Variants in PCDH9 observed in about 807,000 individuals in gnomAD.
The protein encoded by PCDH9 is protocadherin-9.
A neutral mutation model predicts 70.6 loss-of-function variants in PCDH9; 24 were observed. The observed-to-expected ratio is 0.34, with a 90% CI of 0.25 to 0.48. The LOEUF (loss-of-function observed/expected upper bound fraction) is 0.48, where lower values mean the gene tolerates loss of function less well. PCDH9 is among the 20% of genes least tolerant of loss of function. PCDH9 has a pLI of 0.99. For synonymous variants in PCDH9, 562 were observed against 558.5 expected (o/e 1.01, Z -0.09); for missense variants, 1,281 against 1,503.6 (o/e 0.85, Z 2.45).
chr13:66,804,318 CCA>C (rs1197585318), intron 3 of PCDH9, among the ~76,000 whole-genome samples: 2 of 152,116 alleles, frequency 1.3e-5, no homozygotes, highest in Non-Finnish European at 2.9e-5. Context: ...GAGTGTATTT[CCA>C]CAGTCACACA....
chr13:66,635,841 T>A (rs2077630238), intron 3 of PCDH9, among the ~76,000 whole-genome samples: 1 of 152,174 alleles, frequency 6.6e-6, no homozygotes, highest in African/African-American at 2.4e-5. Flanking sequence ...TAAATGTCAT[T>A]GTTTTCTGCA....
At chr13:67,064,660 G>T (rs757749602) in intron 2 of PCDH9, among the ~76,000 whole-genome samples, 13 of 152,068 alleles carry the variant, frequency 8.5e-5, no homozygotes, top group Admixed American at 8.5e-4. Context: ...AGCCTACTGA[G>T]ACTCCAGTCT....
intron 3 of PCDH9, among the ~76,000 whole-genome samples, chr13:66,896,162 A>C (rs1456093214): frequency 6.6e-6 from 1 of 152,346 alleles, no homozygotes; most frequent in South Asian, 2.1e-4. Context: ...AAAAAGTTAA[A>C]GAAGGTGATG....
At position 67,226,582 on chromosome 13, in the gene PCDH9, A is replaced by C. The variant is rs1211851890; in HGVS notation, c.1859T>G (p.Leu620Trp). 6.2e-7 allele frequency: 1 copy of C among 1,613,878 alleles called. No individual in the cohort carries two copies. Among genetic ancestry groups the C allele is most frequent in the East Asian group, 2.2e-5 (1 of 44,894 alleles). The part of the protein sequence containing the change: ...SILNDNDNFV[L>W]DPYSGVIKSN... ...CTTTATGACTCCAGAATAGGGATCC[A>C]ACACAAAATTATCATTGTCATTTAG... is the stretch of plus-strand genomic sequence containing the variant. Residue 620 changes from leucine to tryptophan, a missense_variant, in exon 2 of 5, where the codon TTG becomes TGG. Leu to Trp is a moderately conservative substitution (Grantham distance 61, BLOSUM62 -2). Around this residue, in one of 4 missense-constraint regions of PCDH9, gnomAD observed 798 missense variants for 1,003.1 expected, o/e 0.80. Transcript: ENST00000377865. This position sits in a 1 kb window ranked among gnomAD's most constrained non-coding sequence, Gnocchi z 5.0.
At chr13:66,621,003 A>C (rs1396063034) in intron 4 of PCDH9, among the ~76,000 whole-genome samples, 1 of 152,210 alleles carries the variant, frequency 6.6e-6, no homozygotes, top group African/African-American at 2.4e-5. Flanking sequence ...GAATTATGTA[A>C]AGCTCAAATG....
At chr13:67,132,195 A>G (rs896656459) in intron 2 of PCDH9, among the ~76,000 whole-genome samples, 11 of 152,186 alleles carry the variant, frequency 7.2e-5, no homozygotes, top group African/African-American at 2.7e-4. Context: ...TATAAAAACA[A>G]GAAAAGAATG....
intron 3 of PCDH9, among the ~76,000 whole-genome samples, chr13:66,640,680 T>C (rs2077697177): frequency 6.6e-6 from 1 of 152,128 alleles, no homozygotes; most frequent in Non-Finnish European, 1.5e-5. Flanking sequence ...TTATTCCAAG[T>C]TAGAGAATGA....
At chr13:66,402,242 CT>C (rs1566298474) in intron 4 of PCDH9, among the ~76,000 whole-genome samples, 1 of 152,054 alleles carries the variant, frequency 6.6e-6, no homozygotes, top group African/African-American at 2.4e-5. Flanking sequence ...AACATCATTC[CT>C]TGCTGACATC....
intron 4 of PCDH9, among the ~76,000 whole-genome samples, chr13:66,607,100 A>G (rs980067299): frequency 6.6e-6 from 1 of 152,156 alleles, no homozygotes; most frequent in African/African-American, 2.4e-5. Flanking sequence ...TATTTCCTAA[A>G]TATAAAAATA....
intron 2 of PCDH9, among the ~76,000 whole-genome samples, chr13:67,138,826 T>C (rs574680264): frequency 5.6e-4 from 86 of 152,344 alleles, no homozygotes; most frequent in African/African-American, 1.9e-3. Flanking sequence ...AATATGTTAA[T>C]ATATTATTGA....
chr13:66,756,929 C>T lies in PCDH9; in HGVS notation c.3139-125518G>A, dbSNP rs140427562. Among the ~76,000 whole-genome samples, 393 of 152,166 alleles carry T rather than the reference C, an allele frequency of 2.6e-3. 9 individuals carry two copies. The East Asian group carries it at 0.054, about 21-fold the overall frequency. ...TTGGCTCACTGCAACCTCTGCCTCC[C>T]GGGTTCAAGCAATTCTCCTGCCTCA... On this transcript the variant is annotated intron_variant, in intron 3 of 4. Coordinates refer to ENST00000377865, the MANE Select transcript of PCDH9 (RefSeq NM_203487.3).
At chr13:66,503,623 A>G (rs1458379398) in intron 4 of PCDH9, among the ~76,000 whole-genome samples, 1 of 152,168 alleles carries the variant, frequency 6.6e-6, no homozygotes, top group Non-Finnish European at 1.5e-5. Flanking sequence ...CAGGTGACTT[A>G]TTTGCCTTAC....
At chr13:66,754,023 C>T (rs76243130) in intron 3 of PCDH9, among the ~76,000 whole-genome samples, 2,694 of 152,008 alleles carry the variant, frequency 0.018, 69 homozygotes, top group African/African-American at 0.062. Context: ...TTGTTGTTAG[C>T]CATTTCTTTC....
At chr13:66,537,998 C>A (rs1372670389) in intron 4 of PCDH9, among the ~76,000 whole-genome samples, 1 of 151,978 alleles carries the variant, frequency 6.6e-6, no homozygotes, top group African/African-American at 2.4e-5. Context: ...ATCAAAAATT[C>A]ATTACAGGAA....
At position 67,153,565 on chromosome 13, in the gene PCDH9, C is replaced by T. The variant is rs74095354; in HGVS notation, c.3036+71840G>A. On this transcript the variant is annotated intron_variant, in intron 2 of 4. Coordinates refer to ENST00000377865, the MANE Select transcript of PCDH9 (RefSeq NM_203487.3). ...GTTTTTCAGATTATGAGCCTCTCAC[C>T]TAGAAACGTCTGTTTCATAACATCT... Among the ~76,000 whole-genome samples the T allele has an allele frequency of 6.6e-3, 1,005 of 152,332 alleles. 11 individuals carry two copies. Among genetic ancestry groups the T allele is most frequent in the African/African-American group, 0.023 (952 of 41,560 alleles).
At position 67,058,373 on chromosome 13, in the gene PCDH9, C is replaced by G. The variant is rs1281404745; in HGVS notation, c.3037-154768G>C. Among the ~76,000 whole-genome samples, 3 of 152,186 alleles carry G rather than the reference C, an allele frequency of 2.0e-5. No individual in the cohort carries two copies. In the South Asian group the frequency reaches 6.2e-4, roughly 32 times the overall value. ...CACTCCTTATCTTATTATAGTGACC[C>G]TGTGTTCTCCTGTGCCAAGTGTGCA... On this transcript the variant is annotated intron_variant, in intron 2 of 4. Coordinates refer to ENST00000377865, the MANE Select transcript of PCDH9 (RefSeq NM_203487.3).
chr13:66,812,463 AC>A (rs1394824718), intron 3 of PCDH9, among the ~76,000 whole-genome samples: 3 of 152,178 alleles, frequency 2.0e-5, no homozygotes, highest in African/African-American at 7.2e-5. Context: ...TATGTCAAAC[AC>A]GCAAATTAAT....
chr13:66,764,286 C>T (rs1182550708), intron 3 of PCDH9, among the ~76,000 whole-genome samples: 1 of 150,258 alleles, frequency 6.7e-6, no homozygotes, highest in Non-Finnish European at 1.5e-5. Context: ...AATTCTCATT[C>T]TGTCTTTATT....
At chr13:66,544,414 A>T (rs1961093621) in intron 4 of PCDH9, among the ~76,000 whole-genome samples, 1 of 152,230 alleles carries the variant, frequency 6.6e-6, no homozygotes, top group Admixed American at 6.5e-5. Flanking sequence ...TGACACGTAT[A>T]TATGAAAGTG....
Sources: allele counts gnomAD v4.1 joint callset (sites outside exome capture counted in the v4.1 genomes callset), GRCh38; gene constraint gnomAD v4.1.1; regional missense constraint gnomAD v4.1.1; non-coding constraint Gnocchi (gnomAD v3.1); transcripts MANE v1.5; gene names NCBI Gene and HGNC (gene_info 2026-07-23, HGNC 2026-07-21).